Variants in EPB41L4A observed in about 807,000 individuals in gnomAD.
The protein encoded by EPB41L4A is band 4.1-like protein 4A.
Under a neutral mutation model 108.6 loss-of-function variants are expected in EPB41L4A, and 100 were observed. The observed-to-expected ratio is 0.92, with a 90% CI of 0.78 to 1.09. EPB41L4A has a LOEUF of 1.09. Ranked by LOEUF, EPB41L4A falls within the 50% of genes least tolerant of loss-of-function variation. The pLI, the probability that EPB41L4A is intolerant of heterozygous loss-of-function variation, is 0.00. For missense variants in EPB41L4A, 1,030 were observed against 842.7 expected (o/e 1.22, Z -2.75); for synonymous variants, 319 against 289.0 (o/e 1.10, Z -1.05).
At chr5:112,281,946 CT>C (rs996917643) in intron 2 of EPB41L4A, among the ~76,000 whole-genome samples, 4 of 151,694 alleles carry the variant, frequency 2.6e-5, no homozygotes, top group South Asian at 2.1e-4. Context: ...CATTTTTTGA[CT>C]TTTTTTTAAA....
chr5:112,143,088 CT>C (rs1220111654), exon 14 of EPB41L4A: 2 of 152,176 alleles, frequency 1.3e-5, no homozygotes, highest in African/African-American at 4.8e-5. Context: ...TGAGGCCACC[CT>C]AGACTAGTAA....
At chr5:112,291,818 C>T (rs963137376) in intron 2 of EPB41L4A, among the ~76,000 whole-genome samples, 4 of 152,200 alleles carry the variant, frequency 2.6e-5, no homozygotes, top group African/African-American at 9.7e-5. Context: ...CCCGTTCCCC[C>T]ATACCTCACC....
At chr5:112,310,980 G>C (rs1365387904) in intron 1 of EPB41L4A, among the ~76,000 whole-genome samples, 2 of 152,126 alleles carry the variant, frequency 1.3e-5, no homozygotes, top group Admixed American at 6.5e-5. Context: ...ACAAGCAGTA[G>C]AAATGACTGA....
intron 1 of EPB41L4A, among the ~76,000 whole-genome samples, chr5:112,314,089 A>T (rs1327942652): frequency 1.3e-5 from 2 of 151,764 alleles, no homozygotes; most frequent in Admixed American, 6.6e-5. Flanking sequence ...CAATCTCCTG[A>T]CCTTGTGATC....
At chr5:112,333,956 A>G (rs530477482) in intron 1 of EPB41L4A, among the ~76,000 whole-genome samples, 1 of 152,146 alleles carries the variant, frequency 6.6e-6, no homozygotes, top group South Asian at 2.1e-4. Context: ...AAGTTTCCCA[A>G]ACTGATGGAA....
chr5:112,252,862 A>G (rs939769801), intron 9 of EPB41L4A, among the ~76,000 whole-genome samples: 2 of 151,850 alleles, frequency 1.3e-5, no homozygotes, highest in Non-Finnish European at 2.9e-5. Flanking sequence ...ATTAAAAAAA[A>G]AATAGGTATG....
intron 1 of EPB41L4A, among the ~76,000 whole-genome samples, chr5:112,417,089 T>C (rs1561659747): frequency 1.3e-5 from 2 of 152,258 alleles, no homozygotes; most frequent in Non-Finnish European, 2.9e-5. Flanking sequence ...TTTAGTTATA[T>C]GGCCCATATC....
chr5:112,301,400 T>G (rs1269292615), intron 2 of EPB41L4A, among the ~76,000 whole-genome samples: 1 of 152,204 alleles, frequency 6.6e-6, no homozygotes, highest in East Asian at 1.9e-4. Context: ...AGAGCTGAGA[T>G]GCAGTGACTG....
In EPB41L4A at chr5:112,197,341, T is replaced by G. The variant is rs553435236; in HGVS notation, c.1377-1633A>C. Reference sequence around the variant, plus strand: ...CTAGCACCTTCCCATTCTGATCTCTTTAACGTATGGCTTACGTTACTCCAT... The same window carrying G: ...CTAGCACCTTCCCATTCTGATCTCTGTAACGTATGGCTTACGTTACTCCAT... On this transcript the variant is annotated intron_variant, in intron 15 of 22. Coordinates refer to ENST00000261486, the MANE Select transcript of EPB41L4A (RefSeq NM_022140.5). Among the ~76,000 whole-genome samples, 9 of 152,322 alleles carry G rather than the reference T, an allele frequency of 5.9e-5. No individual in the cohort carries two copies. In the East Asian group the frequency reaches 1.7e-3, roughly 29 times the overall value.
intron 1 of EPB41L4A, among the ~76,000 whole-genome samples, chr5:112,382,405 G>A (rs539372453): frequency 2.6e-5 from 4 of 152,266 alleles, no homozygotes; most frequent in East Asian, 1.9e-4. Flanking sequence ...CTGCAATGAC[G>A]ACAAAGACTG....
intron 1 of EPB41L4A, among the ~76,000 whole-genome samples, chr5:112,343,680 A>T (rs552472730): frequency 1.3e-5 from 2 of 152,238 alleles, no homozygotes; most frequent in African/African-American, 4.8e-5. Context: ...TACAAAACCA[A>T]ACCTTCACAA....
intron 9 of EPB41L4A, chr5:112,256,955 T>C (rs1232322684): frequency 6.6e-6 from 1 of 152,212 alleles, no homozygotes; most frequent in Non-Finnish European, 1.5e-5. Flanking sequence ...CAGTACTTAT[T>C]TGGAAGTTTA....
At chr5:112,273,107 T>A (rs1752379015) in intron 4 of EPB41L4A, among the ~76,000 whole-genome samples, 1 of 152,208 alleles carries the variant, frequency 6.6e-6, no homozygotes, top group East Asian at 1.9e-4. Flanking sequence ...TGACTCCTCT[T>A]TTTCAGGTAC....
intron 1 of EPB41L4A, among the ~76,000 whole-genome samples, chr5:112,343,919 G>T (rs568970744): frequency 6.6e-6 from 1 of 152,262 alleles, no homozygotes; most frequent in South Asian, 2.1e-4. Flanking sequence ...AGCCAGGTAT[G>T]GCGGAATGCA....
At chr5:112,183,540 G>C (rs1761265728) in intron 18 of EPB41L4A, among the ~76,000 whole-genome samples, 2 of 152,206 alleles carry the variant, frequency 1.3e-5, no homozygotes, top group Admixed American at 6.5e-5. Flanking sequence ...GCGTTGCCTA[G>C]CAACAGGAGG....
At position 112,152,061 on chromosome 5, in the gene EPB41L4A, A is replaced by T. The variant is rs1759490218; in HGVS notation, n.995-6063T>A. 2.6e-5 allele frequency among the ~76,000 whole-genome samples: 4 copies of T among 152,176 alleles called. No individual in the cohort carries two copies. The South Asian group carries it at 8.3e-4, about 32-fold the overall frequency. On this transcript the variant is annotated intron_variant and non_coding_transcript_variant, in intron 12 of 13. Coordinates refer to the EPB41L4A transcript ENST00000507810. ...TTAGTCTTTCTTGAGTTAGATATGC[A>T]AGTTAAAATTTGAGAATTCCTGAAA...
chr5:112,296,412 G>A (rs1004678277), intron 2 of EPB41L4A, among the ~76,000 whole-genome samples: 3 of 151,872 alleles, frequency 2.0e-5, no homozygotes, highest in Admixed American at 6.6e-5. Flanking sequence ...TAAGACAGGT[G>A]GTCTTGAATT....
At chr5:112,335,559 G>C (rs1350313715) in intron 1 of EPB41L4A, among the ~76,000 whole-genome samples, 1 of 152,130 alleles carries the variant, frequency 6.6e-6, no homozygotes, top group Non-Finnish European at 1.5e-5. Context: ...ACGCCAGTCA[G>C]ACATTTTTAC....
chr5:112,329,965 C>A (rs1580698595), intron 1 of EPB41L4A, among the ~76,000 whole-genome samples: 1 of 152,146 alleles, frequency 6.6e-6, no homozygotes, highest in African/African-American at 2.4e-5. Flanking sequence ...CACTTTCAAA[C>A]CGGATGTCCT....
Sources: gnomAD v4.1 joint callset for allele counts (sites outside exome capture counted in the v4.1 genomes callset) on GRCh38, gnomAD v4.1.1 for gene constraint, MANE v1.5 for transcripts, NCBI Gene and HGNC (gene_info 2026-07-23, HGNC 2026-07-21) for gene names.